MAB21L3: variants seen among roughly 807,000 people sequenced by gnomAD.
The protein encoded by MAB21L3 is mab-21 like 3.
A neutral mutation model predicts 37.7 loss-of-function variants in MAB21L3; 36 were observed. The observed-to-expected ratio is 0.96, with a 90% confidence interval of 0.73 to 1.26. The LOEUF is 1.26. Ranked by LOEUF, MAB21L3 falls within the 50% of genes most tolerant of loss-of-function variation. The pLI, the probability that MAB21L3 is intolerant of heterozygous loss-of-function variation, is 0.00. For missense variants in MAB21L3, 430 were observed against 447.3 expected (o/e 0.96, Z 0.35); for synonymous variants, 186 against 176.8 (o/e 1.05, Z -0.41).
chr1:116,127,279 T>C (rs941060909), intron 5 of MAB21L3, among the ~76,000 whole-genome samples, 187 bp from the exon 6 acceptor site: 2 of 152,216 alleles, frequency 1.3e-5, no homozygotes. Context: ...ACTAACCATC[T>C]GGTTTTGATG....
At chr1:116,117,158 C>CTACAT (rs1553230651) in intron 3 of MAB21L3, among the ~76,000 whole-genome samples, 9 of 86,110 alleles carry the variant, frequency 1.0e-4, no homozygotes, top group Non-Finnish European at 1.7e-4. Flanking sequence ...TCAAAATATA[C>CTACAT]ATACATATAT....
intron 3 of MAB21L3, among the ~76,000 whole-genome samples, chr1:116,113,968 C>T (rs1659499353): frequency 6.6e-6 from 1 of 152,156 alleles, no homozygotes; most frequent in Non-Finnish European, 1.5e-5. Context: ...AAGAACTGGG[C>T]CCTGAGCAGG....
At chr1:116,120,817 G>T (rs1054772303) in intron 3 of MAB21L3, 115 bp from the exon 4 acceptor site, 9 of 1,346,692 alleles carry the variant, frequency 6.7e-6, no homozygotes, top group Non-Finnish European at 9.1e-6. Flanking sequence ...CAGGATTTTT[G>T]AGCTGAACTC....
Position 116,136,773 on chromosome 1 carries a change from A to G in MAB21L3, c.*3408A>G, listed in dbSNP as rs1436319975. Among the ~76,000 whole-genome samples the G allele has an allele frequency of 6.6e-6, 1 of 151,718 alleles. No homozygotes were observed. Among genetic ancestry groups the G allele is most frequent in the Non-Finnish European group, 1.5e-5 (1 of 67,822 alleles). ...AACAGCATGGTACTGGTACCAAAAC[A>G]GGGATATAGATCAATGGAACAGAAC... On this transcript the variant is annotated 3_prime_UTR_variant, in exon 8 of 8. Transcript: ENST00000369500.
chr1:116,120,442 C>A (rs1254414508), intron 3 of MAB21L3, among the ~76,000 whole-genome samples: 1 of 138,026 alleles, frequency 7.2e-6, no homozygotes, highest in Non-Finnish European at 1.5e-5. Context: ...AACACACACA[C>A]ACACACATAT....
At chr1:116,122,061 A>G (rs1659766390) in intron 4 of MAB21L3, among the ~76,000 whole-genome samples, 1 of 152,218 alleles carries the variant, frequency 6.6e-6, no homozygotes, top group Non-Finnish European at 1.5e-5. Flanking sequence ...CCAGCATGGT[A>G]TGTGGCACAT....
In MAB21L3 at chr1:116,137,979, G is replaced by C. The variant is rs1476209299; in HGVS notation, c.*4614G>C. 8.1e-6 allele frequency among the ~76,000 whole-genome samples: 1 copy of C among 122,786 alleles called. No individual in the cohort carries two copies. The highest frequency in any genetic ancestry group is 1.7e-5 in the Non-Finnish European group (1 of 59,906). 80.6% of individuals were successfully genotyped at this position (122,786 alleles called of 152,430 possible). A position where few individuals can be genotyped will look rare whatever the true frequency, so the allele number is the denominator to read the frequency against. ...CACACTCTGGGGACTGTTGTGGGGTGGGGGGAGGGGGGAGGGATAGCATTG... is the reference window on the plus strand; with the variant it reads ...CACACTCTGGGGACTGTTGTGGGGTCGGGGGAGGGGGGAGGGATAGCATTG... On this transcript the variant is annotated 3_prime_UTR_variant, in exon 8 of 8. Coordinates refer to ENST00000369500, the MANE Select transcript of MAB21L3 (RefSeq NM_152367.3).
chr1:116,112,507 C>T lies in MAB21L3; in HGVS notation c.-109C>T, dbSNP rs1659449834. The T allele has an allele frequency of 2.1e-6, 2 of 964,210 alleles. No individual in the cohort carries two copies. Among genetic ancestry groups the T allele is most frequent in the Non-Finnish European group, 1.6e-6 (1 of 615,874 alleles). The allele number at this position is 964,210 out of a possible 1,614,324, so 59.7% of individuals were successfully genotyped here. Reference sequence around the variant, plus strand: ...CACACTTCCAGAAAAACTTAGTACCCAGAGACTCACATTACTGGGAGTGCT... The same window carrying T: ...CACACTTCCAGAAAAACTTAGTACCTAGAGACTCACATTACTGGGAGTGCT... On this transcript the variant is annotated 5_prime_UTR_variant, in exon 3 of 8. Transcript: ENST00000369500.
chr1:116,129,369 ACT>A (rs1660000649), intron 7 of MAB21L3, among the ~76,000 whole-genome samples: 1 of 151,794 alleles, frequency 6.6e-6, no homozygotes, highest in South Asian at 2.1e-4. Context: ...GAGGTAGGAG[ACT>A]CTTGCAGGAC....
At chr1:116,115,078 A>C (rs1023149546) in intron 3 of MAB21L3, among the ~76,000 whole-genome samples, 15 of 152,158 alleles carry the variant, frequency 9.9e-5, no homozygotes, top group Non-Finnish European at 1.6e-4. Context: ...TAACTTTGGG[A>C]ACCTGGGCAA....
At chr1:116,113,219 G>A (rs974158565) in intron 3 of MAB21L3, among the ~76,000 whole-genome samples, 2 of 152,046 alleles carry the variant, frequency 1.3e-5, no homozygotes, top group Non-Finnish European at 1.5e-5. Flanking sequence ...TTTCATTTAC[G>A]GATGAAGCTA....
chr1:116,115,240 TAA>T (rs1438378579), intron 3 of MAB21L3, among the ~76,000 whole-genome samples: 22 of 152,234 alleles, frequency 1.4e-4, no homozygotes, highest in African/African-American at 4.1e-4. Context: ...AGTTTCACGG[TAA>T]TGCTGCTGCT....
intron 3 of MAB21L3, among the ~76,000 whole-genome samples, chr1:116,120,394 TTACATTA>T (rs11277515): frequency 0.21 from 30,334 of 146,200 alleles, 4,166 homozygotes; most frequent in African/African-American, 0.43. Flanking sequence ...ATACTTGATA[TTACATTA>T]TACACACACA....
chr1:116,124,368 C>A lies in MAB21L3; in HGVS notation c.481+11C>A. The A allele has an allele frequency of 6.2e-7, 1 of 1,606,712 alleles. No homozygotes were observed. Among genetic ancestry groups the A allele is most frequent in the South Asian group, 1.1e-5 (1 of 90,048 alleles). On this transcript the variant is annotated intron_variant, in intron 5 of 7. Coordinates refer to ENST00000369500, the MANE Select transcript of MAB21L3 (RefSeq NM_152367.3). ...CCTGTCACCTCTCAGGTGAGCTGAT[C>A]AGGAACAAGTGCAAGGGTAATTGCT... is the stretch of plus-strand genomic sequence containing the variant.
At chr1:116,114,345 A>T (rs1217456901) in intron 3 of MAB21L3, among the ~76,000 whole-genome samples, 4 of 152,196 alleles carry the variant, frequency 2.6e-5, no homozygotes, top group African/African-American at 4.8e-5. Context: ...GTGGTGTGGA[A>T]GGCGACAGGT....
At chr1:116,131,546 G>A (rs760219036) in intron 7 of MAB21L3, among the ~76,000 whole-genome samples, 6 of 151,996 alleles carry the variant, frequency 3.9e-5, no homozygotes, top group South Asian at 2.1e-4. Context: ...ACGGAGTCTC[G>A]CTTTGTTGCC....
At chr1:116,115,135 G>T (rs931517518) in intron 3 of MAB21L3, among the ~76,000 whole-genome samples, 1 of 152,134 alleles carries the variant, frequency 6.6e-6, no homozygotes, top group South Asian at 2.1e-4. Context: ...ATAAAATGGG[G>T]ATAATCATAG....
chr1:116,133,350 G>C lies in MAB21L3; in HGVS notation c.1074G>C (p.Gln358His). 7 of 1,614,174 alleles carry C rather than the reference G, an allele frequency of 4.3e-6. No homozygotes were observed. The highest frequency in any genetic ancestry group is 5.9e-6 in the Non-Finnish European group (7 of 1,180,008). Residue 358 changes from glutamine (Q) to histidine (H), a missense_variant, in exon 8 of 8, where the codon CAG (glutamine) becomes CAC (histidine). Coordinates refer to ENST00000369500, the MANE Select transcript of MAB21L3 (RefSeq NM_152367.3). Reference protein sequence around the residue: ...QKLATFLKNPQIGPP With the variant: ...QKLATFLKNPHIGPP Reference sequence around the variant, plus strand: ...TGGCCACCTTCCTGAAGAACCCCCAGATCGGCCCGCCCTGATGGTTGCCCC... The same window carrying C: ...TGGCCACCTTCCTGAAGAACCCCCACATCGGCCCGCCCTGATGGTTGCCCC...
rs960824473 is a variant in MAB21L3, at chr1:116,136,523, C to G, written c.*3158C>G. Among the ~76,000 whole-genome samples, 286 of 152,240 alleles carry G rather than the reference C, an allele frequency of 1.9e-3. 1 individual carries two copies. Among genetic ancestry groups the G allele is most frequent in the African/African-American group, 6.6e-3 (273 of 41,536 alleles). ...TTCCATGCTCATGGGTAGGAAGAAT[C>G]AATATCGTCAAAATGGCCAGACTGC... On this transcript the variant is annotated 3_prime_UTR_variant, in exon 8 of 8. Transcript: ENST00000369500.
Sources: allele counts gnomAD v4.1 joint callset (sites outside exome capture counted in the v4.1 genomes callset), GRCh38; gene constraint gnomAD v4.1.1; transcripts MANE v1.5; gene names NCBI Gene and HGNC (gene_info 2026-07-23, HGNC 2026-07-21).